CHRDL1: variants seen among roughly 807,000 people sequenced by gnomAD.
The protein encoded by CHRDL1 is chordin-like protein 1.
CHRDL1 carries 19 observed loss-of-function variants against 40.9 expected under a neutral mutation model. The ratio of observed to expected loss-of-function variants is 0.46; its 90% confidence interval spans 0.32 to 0.68. The LOEUF (loss-of-function observed/expected upper bound fraction) is 0.68, where lower values mean the gene tolerates loss of function less well. Ranked by LOEUF, CHRDL1 falls within the 30% of genes least tolerant of loss-of-function variation. The pLI, the probability that CHRDL1 is intolerant of heterozygous loss-of-function variation, is 0.03. For missense variants in CHRDL1, 329 were observed against 352.1 expected, an observed-to-expected ratio of 0.93 and a Z score of 0.53; for synonymous variants, 136 against 123.4, an observed-to-expected ratio of 1.10 and a Z score of -0.68.
At chrX:110,758,085 G>T (rs1355173295) in intron 4 of CHRDL1, among the ~76,000 whole-genome samples, 1 of 103,530 alleles carries the variant, frequency 9.7e-6, no homozygotes, top group Non-Finnish European at 2.0e-5. Context: ...AGGCTACCTG[G>T]CAGGTTAACC....
intron 6 of CHRDL1, among the ~76,000 whole-genome samples, chrX:110,708,260 A>T (rs765533644): frequency 1.0e-3 from 114 of 111,132 alleles, no homozygotes; most frequent in African/African-American, 3.6e-3. Flanking sequence ...AGAACCAGAA[A>T]TACCATTTGA....
rs759444153 is a variant in CHRDL1 at position 110,787,793 on chromosome X, T to C, written c.94+4295A>G. Among the ~76,000 whole-genome samples, 17 of 112,529 alleles carry C rather than the reference T, an allele frequency of 1.5e-4. No individual in the cohort carries two copies. The South Asian group carries it at 5.5e-3, about 36-fold the overall frequency. ...CTTGAAGATCCAGTTAACTACCTTGTAAAGCAGGAGTGGACTGCATGAAAT... is the reference window on the plus strand; with the variant it reads ...CTTGAAGATCCAGTTAACTACCTTGCAAAGCAGGAGTGGACTGCATGAAAT... On this transcript the variant is annotated intron_variant, in intron 2 of 11. Coordinates refer to ENST00000372042, the MANE Select transcript of CHRDL1 (RefSeq NM_001143981.2).
intron 11 of CHRDL1, among the ~76,000 whole-genome samples, 163 bp downstream of exon 11, chrX:110,679,173 C>T (rs1398365745): frequency 8.9e-6 from 1 of 112,364 alleles, no homozygotes; most frequent in Non-Finnish European, 1.9e-5. Flanking sequence ...TCAGACACCC[C>T]ATTCACTGCT....
Position 110,676,358 on chromosome X carries a change from T to C in CHRDL1, c.1250A>G (p.Gln417Arg). 8.3e-7 allele frequency: 1 copy of C among 1,210,288 alleles called. No individual in the cohort carries two copies. Among genetic ancestry groups the C allele is most frequent in the Non-Finnish European group, 1.1e-6 (1 of 894,730 alleles). The change falls in exon 12 of 12, where the codon CAG (glutamine) becomes CGG (arginine). Residue 417 changes from glutamine (Q) to arginine (R), a missense_variant. Physicochemically the swap from Gln to Arg is conservative, Grantham distance 43. Coordinates refer to ENST00000372042, the MANE Select transcript of CHRDL1 (RefSeq NM_001143981.2). ...FKLVTRTTLS[Q>R]WKIFTEGEAQ... ...TTCTCCTTCGGTGAAGATCTTCCAC[T>C]GGCCTAAAAGGCAAACAAACGCAAA... is the stretch of plus-strand genomic sequence containing the variant.
intron 4 of CHRDL1, among the ~76,000 whole-genome samples, chrX:110,755,188 T>C (rs778872373): frequency 9.0e-6 from 1 of 111,264 alleles, no homozygotes; most frequent in Admixed American, 9.6e-5. Context: ...TCTTGACTTT[T>C]CCATTAAGAA....
chrX:110,712,997 A>C (rs1042543135), intron 6 of CHRDL1, among the ~76,000 whole-genome samples: 1 of 111,596 alleles, frequency 9.0e-6, no homozygotes, highest in Admixed American at 9.5e-5. Context: ...TGGTGGGATC[A>C]GAAGTTGGGG....
rs1603128344 is a variant in CHRDL1 at position 110,689,679 on chromosome X, A to G, written c.779-876T>C. On this transcript the variant is annotated intron_variant, in intron 8 of 11. Transcript: ENST00000372042. ...ATCATCTATATATCTATATATCTAT[A>G]TATCTATATATCTATATATCTATAT... Among the ~76,000 whole-genome samples, 3 of 39,625 alleles carry G rather than the reference A, an allele frequency of 7.6e-5. 1 individual carries two copies. Among genetic ancestry groups the G allele is most frequent in the Non-Finnish European group, 1.1e-4 (3 of 27,275 alleles). 34.4% of individuals were successfully genotyped at this position (39,625 alleles called of 115,157 possible). A position where few individuals can be genotyped will look rare whatever the true frequency, so the allele number is the denominator to read the frequency against.
At chrX:110,761,634 G>T (rs1327883440) in intron 3 of CHRDL1, among the ~76,000 whole-genome samples, 1 of 111,856 alleles carries the variant, frequency 8.9e-6, no homozygotes. Context: ...TGCTCTTGTT[G>T]TCTAATGGGT....
intron 4 of CHRDL1, among the ~76,000 whole-genome samples, chrX:110,759,261 A>G (rs958859919): frequency 8.9e-5 from 10 of 112,125 alleles, no homozygotes; most frequent in South Asian, 3.7e-4. Context: ...TGGCCCCCTC[A>G]TAATTTAGAA....
rs761321029 is a variant in CHRDL1 at position 110,712,606 on chromosome X, T to C, written c.541+7229A>G. Among the ~76,000 whole-genome samples, 11 of 111,120 alleles carry C rather than the reference T, an allele frequency of 9.9e-5. No individual in the cohort carries two copies. The East Asian group carries it at 3.1e-3, about 32-fold the overall frequency. On this transcript the variant is annotated intron_variant, in intron 6 of 11. Coordinates refer to ENST00000372042, the MANE Select transcript of CHRDL1 (RefSeq NM_001143981.2). ...AAAGAAAATTCCTAGGCTGGGCTCA[T>C]GTCTGTAATCCCAGCACTTTGGGAG...
rs181017896 is a variant in CHRDL1, at chrX:110,719,164, G to A, written c.541+671C>T. On this transcript the variant is annotated intron_variant, in intron 6 of 11. Coordinates refer to ENST00000372042, the MANE Select transcript of CHRDL1 (RefSeq NM_001143981.2). ...ATTGCCAGTGGGAAAGTGGGAAAAG[G>A]GAGAGATACAGATAACTGCTGAAAG... Among the ~76,000 whole-genome samples, 3 of 111,320 alleles carry A rather than the reference G, an allele frequency of 2.7e-5. No individual in the cohort carries two copies. In the Admixed American group the frequency reaches 2.9e-4, roughly 11 times the overall value.
intron 8 of CHRDL1, 105 bp downstream of exon 8, chrX:110,694,058 T>C: frequency 1.6e-6 from 1 of 612,271 alleles, no homozygotes; most frequent in Non-Finnish European, 2.6e-6. Context: ...CAAGTGAATA[T>C]GGGCTATTCC....
intron 6 of CHRDL1, among the ~76,000 whole-genome samples, chrX:110,719,188 A>G (rs2070899526): frequency 9.0e-6 from 1 of 111,618 alleles, no homozygotes; most frequent in African/African-American, 3.3e-5. Flanking sequence ...AACTGCTGAA[A>G]GATTTGGTAA....
At chrX:110,763,189 T>G (rs1266023438) in intron 2 of CHRDL1, among the ~76,000 whole-genome samples, 2 of 110,858 alleles carry the variant, frequency 1.8e-5, no homozygotes, top group East Asian at 5.7e-4. Flanking sequence ...GAGTAAGTTC[T>G]TTAGTGGTGA....
In CHRDL1 at chrX:110,674,752, T is replaced by C; in HGVS notation, c.*1479A>G. The C allele has an allele frequency of 8.9e-6, 1 of 112,356 alleles. No individual in the cohort carries two copies. Among genetic ancestry groups the C allele is most frequent in the Non-Finnish European group, 1.9e-5 (1 of 53,230 alleles). 9.3% of individuals were successfully genotyped at this position (112,356 alleles called of 1,213,427 possible). On this transcript the variant is annotated 3_prime_UTR_variant, in exon 12 of 12. Transcript: ENST00000372042. ...ACCTATAGTCATGGAATGAGACATATGGGGTTTCTGGGTCCTTAAAACATT... is the reference window on the plus strand; with the variant it reads ...ACCTATAGTCATGGAATGAGACATACGGGGTTTCTGGGTCCTTAAAACATT...
At position 110,675,436 on chromosome X, in the gene CHRDL1, TACC is replaced by T. The variant is rs1331517143; in HGVS notation, c.*792_*794del. 9.0e-6 allele frequency: 1 copy of T among 111,574 alleles called. No individual in the cohort carries two copies. Among genetic ancestry groups the T allele is most frequent in the African/African-American group, 3.3e-5 (1 of 30,702 alleles). The allele number at this position is 111,574 out of a possible 1,213,427, so 9.2% of individuals were successfully genotyped here. A position where few individuals can be genotyped will look rare whatever the true frequency, so the allele number is the denominator to read the frequency against. ...AGTGGTATCATTAGGGAAAAATTAT[TACC>T]ACTTCTAAGTGAATGAATGAGGCTA... is the stretch of plus-strand genomic sequence containing the variant. On this transcript the variant is annotated 3_prime_UTR_variant, in exon 12 of 12. Coordinates refer to ENST00000372042, the MANE Select transcript of CHRDL1 (RefSeq NM_001143981.2).
chrX:110,690,283 C>T (rs762354882), intron 8 of CHRDL1, among the ~76,000 whole-genome samples: 25 of 105,709 alleles, frequency 2.4e-4, no homozygotes, highest in African/African-American at 8.3e-4. Context: ...CTCCTGACCT[C>T]GTGATCCGCC....
chrX:110,716,401 T>C (rs56918209), intron 6 of CHRDL1, among the ~76,000 whole-genome samples: 2,674 of 109,999 alleles, frequency 0.024, 79 homozygotes, highest in African/African-American at 0.083. Flanking sequence ...GAAATAAAGA[T>C]AAATGAAAAA....
At chrX:110,762,573 G>A (rs1218638842) in intron 3 of CHRDL1, 122 bp downstream of exon 3, 5 of 453,234 alleles carry the variant, frequency 1.1e-5, no homozygotes, top group East Asian at 3.9e-5. Context: ...CAGTGCGATC[G>A]GTCTGCTTCT....
Sources: allele counts gnomAD v4.1 joint callset (sites outside exome capture counted in the v4.1 genomes callset), GRCh38; gene constraint gnomAD v4.1.1; transcripts MANE v1.5; gene names NCBI Gene and HGNC (gene_info 2026-07-23, HGNC 2026-07-21).